Variants in PACRG observed in about 807,000 individuals in gnomAD.
The protein encoded by PACRG is parkin coregulated, also known as parkin coregulated gene protein.
PACRG carries 29 observed loss-of-function variants against 29.7 expected under a neutral mutation model. That is an observed-to-expected ratio of 0.98 (90% CI 0.73 to 1.33). The LOEUF is 1.33. Among genes scored for constraint, PACRG ranks in the 40% most tolerant of loss-of-function variants. The pLI, the probability that PACRG is intolerant of heterozygous loss-of-function variation, is 0.00. For synonymous variants in PACRG, 116 were observed against 118.7 expected, an observed-to-expected ratio of 0.98 and a Z score of 0.15; for missense variants, 279 against 316.2, an observed-to-expected ratio of 0.88 and a Z score of 0.89.
At chr6:163,006,964 G>A (rs1805176840) in intron 2 of PACRG, among the ~76,000 whole-genome samples, 1 of 151,118 alleles carries the variant, frequency 6.6e-6, no homozygotes, top group Non-Finnish European at 1.5e-5. Flanking sequence ...GTGTTATTTT[G>A]TATTTTTATT....
At chr6:163,238,335 T>C (rs1782330190) in intron 4 of PACRG, among the ~76,000 whole-genome samples, 1 of 152,196 alleles carries the variant, frequency 6.6e-6, no homozygotes, top group Admixed American at 6.5e-5. Context: ...TATACAACAG[T>C]AAATAATTAA....
chr6:163,313,967 T>C (rs531182357), intron 4 of PACRG: 1 of 152,358 alleles, frequency 6.6e-6, no homozygotes, highest in South Asian at 2.1e-4. Context: ...TCACCCTTGG[T>C]AACTCCTGCA....
chr6:162,878,946 A>G (rs906587220), intron 2 of PACRG, among the ~76,000 whole-genome samples: 2 of 152,192 alleles, frequency 1.3e-5, no homozygotes, highest in African/African-American at 4.8e-5. Flanking sequence ...TTTGTATGTA[A>G]TAATACAATT....
chr6:163,273,487 C>A (rs1272054509), intron 4 of PACRG, among the ~76,000 whole-genome samples: 1 of 152,036 alleles, frequency 6.6e-6, no homozygotes, highest in Non-Finnish European at 1.5e-5. Flanking sequence ...TTTTTGATAA[C>A]CTTCTGTATT....
intron 2 of PACRG, among the ~76,000 whole-genome samples, chr6:162,884,949 TAAAC>T (rs756195741): frequency 3.2e-4 from 49 of 152,200 alleles, no homozygotes; most frequent in Non-Finnish European, 6.0e-4. Flanking sequence ...CACTTACACT[TAAAC>T]AGACAGAAGT....
intron 1 of PACRG, among the ~76,000 whole-genome samples, chr6:162,778,636 G>A (rs112493234): frequency 4.6e-5 from 7 of 152,314 alleles, no homozygotes; most frequent in African/African-American, 1.7e-4. Context: ...GAGACTCAGG[G>A]AAATCTAAGT....
At position 163,166,072 on chromosome 6, in the gene PACRG, T is replaced by C. The variant is rs552732572; in HGVS notation, c.613+76664T>C. 7.8e-4 allele frequency: 355 copies of C among 456,064 alleles called. 4 individuals are homozygous for C. Among genetic ancestry groups the C allele is most frequent in the South Asian group, 5.0e-3 (320 of 64,568 alleles). The allele number at this position is 456,064 out of a possible 1,614,324, so 28.3% of individuals were successfully genotyped here. On this transcript the variant is annotated intron_variant, in intron 4 of 4. Transcript: ENST00000366888. The stretch of plus-strand genomic sequence containing the variant: ...CGAGTGTAATGAAAGACAGATGCAT[T>C]GTTTGGAGTAACACAGAAGCTCCAA...
At chr6:163,297,830 G>A (rs1485723405) in intron 4 of PACRG, among the ~76,000 whole-genome samples, 2 of 152,162 alleles carry the variant, frequency 1.3e-5, no homozygotes, top group African/African-American at 4.8e-5. Flanking sequence ...GGGTGGGTGT[G>A]CAGTCATAAG....
chr6:162,934,923 A>G (rs921232440), intron 2 of PACRG, among the ~76,000 whole-genome samples: 1 of 152,082 alleles, frequency 6.6e-6, no homozygotes, highest in African/African-American at 2.4e-5. Context: ...TTTATTTTTC[A>G]TTTATTTATG....
intron 4 of PACRG, among the ~76,000 whole-genome samples, chr6:163,111,015 C>T (rs1049933092): frequency 1.3e-5 from 2 of 152,230 alleles, no homozygotes; most frequent in African/African-American, 4.8e-5. Flanking sequence ...TTCTGTGATG[C>T]AGATTCTCCT....
intron 3 of PACRG, among the ~76,000 whole-genome samples, chr6:163,070,862 T>C (rs1811977372): frequency 6.6e-6 from 1 of 151,428 alleles, no homozygotes; most frequent in African/African-American, 2.4e-5. Flanking sequence ...TGGAAAAAGA[T>C]ATTCCATGCC....
At chr6:163,039,592 T>C (rs950892225) in intron 2 of PACRG, among the ~76,000 whole-genome samples, 1 of 152,144 alleles carries the variant, frequency 6.6e-6, no homozygotes, top group Non-Finnish European at 1.5e-5. Flanking sequence ...TGGTCACAGA[T>C]GGAGATGAAG....
chr6:163,303,209 A>C (rs1292438893), intron 4 of PACRG, among the ~76,000 whole-genome samples: 1 of 152,164 alleles, frequency 6.6e-6, no homozygotes, highest in Non-Finnish European at 1.5e-5. Flanking sequence ...GCGTGGTCCC[A>C]GCTACTCGGG....
chr6:163,122,172 A>G (rs1031992165), intron 4 of PACRG, among the ~76,000 whole-genome samples: 1 of 152,142 alleles, frequency 6.6e-6, no homozygotes, highest in Admixed American at 6.5e-5. Context: ...GTACATTCAT[A>G]ATGTTTAGAT....
intron 4 of PACRG, among the ~76,000 whole-genome samples, chr6:163,264,529 C>T (rs1439941290): frequency 1.3e-5 from 2 of 152,184 alleles, no homozygotes; most frequent in African/African-American, 4.8e-5. Flanking sequence ...CGTTCAAGGG[C>T]GACAGAGCGG....
chr6:163,107,774 G>A (rs577398), intron 4 of PACRG, among the ~76,000 whole-genome samples: 72,293 of 151,916 alleles, frequency 0.48, 18,185 homozygotes, highest in African/African-American at 0.65. Context: ...AAATGTACAA[G>A]GACTCAATCT....
intron 2 of PACRG, among the ~76,000 whole-genome samples, chr6:163,014,998 T>G (rs1805962862): frequency 6.6e-6 from 1 of 152,230 alleles, no homozygotes; most frequent in Non-Finnish European, 1.5e-5. Context: ...ATTTAAATTC[T>G]CAATTCATCT....
At chr6:163,267,719 G>T (rs748981180) in intron 4 of PACRG, among the ~76,000 whole-genome samples, 1 of 152,116 alleles carries the variant, frequency 6.6e-6, no homozygotes, top group African/African-American at 2.4e-5. Context: ...TAGAACAATC[G>T]TATAAATCCC....
intron 4 of PACRG, among the ~76,000 whole-genome samples, chr6:163,105,302 A>C (rs559702441): frequency 7.4e-4 from 113 of 152,324 alleles, no homozygotes; most frequent in African/African-American, 2.4e-3. Flanking sequence ...TTTCCATTAT[A>C]AAAACCTGCG....
Sources: gnomAD v4.1 joint callset for allele counts (sites outside exome capture counted in the v4.1 genomes callset) on GRCh38, gnomAD v4.1.1 for gene constraint, MANE v1.5 for transcripts, NCBI Gene and HGNC (gene_info 2026-07-23, HGNC 2026-07-21) for gene names.